Variants in ARRDC3 observed in about 807,000 individuals in gnomAD.
ARRDC3 encodes the protein arrestin domain-containing protein 3.
A neutral mutation model predicts 47.2 loss-of-function variants in ARRDC3; 10 were observed. The ratio of observed to expected loss-of-function variants is 0.21; its 90% CI spans 0.13 to 0.36. The LOEUF is 0.36. ARRDC3 is among the 10% of genes least tolerant of loss of function. ARRDC3 has a pLI of 1.00. For synonymous variants in ARRDC3, 156 were observed against 178.3 expected (o/e 0.87, Z 1.00); for missense variants, 381 against 503.6 (o/e 0.76, Z 2.33).
chr5:91,374,029 C>G, intron 6 of ARRDC3, 85 bp downstream of exon 6: 1 of 1,492,722 alleles, frequency 6.7e-7, no homozygotes, highest in Non-Finnish European at 9.1e-7. Context: ...TTATGTTCAT[C>G]TAGGGTCATA....
At chr5:91,381,066 G>T in intron 1 of ARRDC3, 1 of 152,202 alleles carries the variant, frequency 6.6e-6, no homozygotes. Flanking sequence ...CATCGCCTTA[G>T]CAACAGGCTA....
At chr5:91,375,833 A>G (rs938392161) in intron 3 of ARRDC3, among the ~76,000 whole-genome samples, 1 of 152,250 alleles carries the variant, frequency 6.6e-6, no homozygotes, top group East Asian at 1.9e-4. Flanking sequence ...CAATTAGAAA[A>G]AAAAGGTAAA....
Position 91,377,069 on chromosome 5 carries a change from A to T in ARRDC3, c.363-301T>A, listed in dbSNP as rs149657186. ...GCAAAATCATGAAAGTTTAATGGGC[A>T]TTTTTTGAAAAGGCCAAGAATTCAA... is the stretch of plus-strand genomic sequence containing the variant. On this transcript the variant is annotated intron_variant, in intron 2 of 7. Coordinates refer to ENST00000265138, the MANE Select transcript of ARRDC3 (RefSeq NM_020801.4). 3.7e-3 allele frequency among the ~76,000 whole-genome samples: 564 copies of T among 152,330 alleles called. 2 individuals carry two copies. Among genetic ancestry groups the T allele is most frequent in the African/African-American group, 0.013 (535 of 41,568 alleles).
chr5:91,375,691 C>A (rs1394871335), intron 3 of ARRDC3, 78 bp from the exon 4 acceptor site: 2 of 956,682 alleles, frequency 2.1e-6, no homozygotes, highest in African/African-American at 1.7e-5. Flanking sequence ...AAAATATAAC[C>A]CTAAATTTAT....
chr5:91,382,730 T>A (rs574664391), intron 1 of ARRDC3, 83 bp downstream of exon 1: 1 of 1,397,978 alleles, frequency 7.2e-7, no homozygotes, highest in East Asian at 2.3e-5. Context: ...ATGCTAGGAG[T>A]AGAATCACGT....
intron 7 of ARRDC3, among the ~76,000 whole-genome samples, chr5:91,371,951 T>C (rs1799187413): frequency 1.3e-5 from 2 of 152,108 alleles, no homozygotes; most frequent in African/African-American, 4.8e-5. Flanking sequence ...TGCAAACAAT[T>C]TGTTTACTCA....
At position 91,380,269 on chromosome 5, in the gene ARRDC3, T is replaced by A. The variant is rs933805100; in HGVS notation, c.281-1494A>T. ...CGCCCCGCTATACATACGGCATACGTCGCGCGGCGCTCGCGCCCGTGCCCG... is the reference window on the plus strand; with the variant it reads ...CGCCCCGCTATACATACGGCATACGACGCGCGGCGCTCGCGCCCGTGCCCG... On this transcript the variant is annotated intron_variant, in intron 1 of 7. Transcript: ENST00000265138. 107 of 152,938 alleles carry A rather than the reference T, an allele frequency of 7.0e-4. 3 individuals are homozygous for A. The highest frequency in any genetic ancestry group is 3.4e-3 in the Middle Eastern group (1 of 296). 9.5% of individuals were successfully genotyped at this position (152,938 alleles called of 1,614,324 possible). A position where few individuals can be genotyped will look rare whatever the true frequency, so the allele number is the denominator to read the frequency against.
intron 1 of ARRDC3, chr5:91,380,494 G>C (rs1177609793): frequency 6.6e-6 from 1 of 152,346 alleles, no homozygotes; most frequent in Non-Finnish European, 1.5e-5. Flanking sequence ...GAGGATACCC[G>C]TCGAAGCCCC....
Position 91,375,629 on chromosome 5 carries a change from TA to T in ARRDC3, c.511-17del. The T allele has an allele frequency of 1.3e-6, 2 of 1,586,532 alleles. No individual in the cohort carries two copies. The highest frequency in any genetic ancestry group is 1.7e-6 in the Non-Finnish European group (2 of 1,159,272). On this transcript the variant is annotated splice_polypyrimidine_tract_variant and intron_variant, in intron 3 of 7. Coordinates refer to ENST00000265138, the MANE Select transcript of ARRDC3 (RefSeq NM_020801.4). Reference sequence around the variant, plus strand: ...CTTGGGGTGACTGTAAGAAAAAAATTAAGAGAAAAAGGTCAGTGTATGGATT... The same window carrying T: ...CTTGGGGTGACTGTAAGAAAAAAATTAGAGAAAAAGGTCAGTGTATGGATT...
chr5:91,375,291 C>T (rs1799275619), intron 4 of ARRDC3, 113 bp from the exon 5 acceptor site: 2 of 1,182,172 alleles, frequency 1.7e-6, no homozygotes, highest in Admixed American at 2.8e-5. Context: ...AAAGATGTCC[C>T]AGGAACTGCA....
intron 7 of ARRDC3, among the ~76,000 whole-genome samples, chr5:91,372,077 C>T (rs1016274076): frequency 2.0e-5 from 3 of 152,172 alleles, no homozygotes; most frequent in Non-Finnish European, 4.4e-5. Flanking sequence ...CAAGAGGTTT[C>T]CTCCCACCTT....
At position 91,368,674 on chromosome 5, in the gene ARRDC3, T is replaced by A. The variant is rs900291512; in HGVS notation, c.*2726A>T. The A allele has an allele frequency of 6.6e-6, 1 of 152,378 alleles. No homozygotes were observed. 9.4% of individuals were successfully genotyped at this position (152,378 alleles called of 1,614,324 possible). On this transcript the variant is annotated 3_prime_UTR_variant, in exon 8 of 8. Coordinates refer to ENST00000265138, the MANE Select transcript of ARRDC3 (RefSeq NM_020801.4). ...AATAGTTTAATTTAATGTGTTTGCATGTATGGTGAGTTACTAATATGATCA... is the reference window on the plus strand; with the variant it reads ...AATAGTTTAATTTAATGTGTTTGCAAGTATGGTGAGTTACTAATATGATCA...
At chr5:91,381,222 G>A (rs1799450830) in intron 1 of ARRDC3, among the ~76,000 whole-genome samples, 1 of 146,214 alleles carries the variant, frequency 6.8e-6, no homozygotes, top group Admixed American at 6.9e-5. Flanking sequence ...TTTTGTTGGG[G>A]GTGCAGGGCA....
chr5:91,380,368 G>T (rs982630853), intron 1 of ARRDC3: 6 of 152,522 alleles, frequency 3.9e-5, no homozygotes, highest in South Asian at 1.9e-4. Context: ...CCCAGCCGGC[G>T]ACCGGTTCCA....
At chr5:91,378,904 T>C in intron 1 of ARRDC3, 129 bp from the exon 2 acceptor site, 1 of 506,090 alleles carries the variant, frequency 2.0e-6, no homozygotes, top group Non-Finnish European at 3.5e-6. Context: ...GTCTGAGAGA[T>C]CTGAGTTCTA....
intron 2 of ARRDC3, among the ~76,000 whole-genome samples, chr5:91,377,814 A>G (rs1799340412): frequency 6.6e-6 from 1 of 152,050 alleles, no homozygotes; most frequent in Non-Finnish European, 1.5e-5. Flanking sequence ...AAAATTCTCA[A>G]ATAATACAGT....
intron 3 of ARRDC3, 180 bp downstream of exon 3, chr5:91,376,441 A>G: frequency 1.7e-6 from 1 of 577,332 alleles, no homozygotes; most frequent in Non-Finnish European, 2.9e-6. Context: ...TGTCAAAAAT[A>G]TGAGCATATT....
At chr5:91,377,156 T>G (rs535616177) in intron 2 of ARRDC3, among the ~76,000 whole-genome samples, 16 of 152,332 alleles carry the variant, frequency 1.1e-4, no homozygotes, top group Non-Finnish European at 1.8e-4. Context: ...GGTTAAACAT[T>G]CAGACCAAAT....
intron 6 of ARRDC3, 45 bp downstream of exon 6, chr5:91,374,069 T>C: frequency 1.3e-6 from 2 of 1,573,120 alleles, no homozygotes; most frequent in Non-Finnish European, 1.7e-6. Context: ...ATTTTCTTGA[T>C]AATAGTAGTA....
Sources: gnomAD v4.1 joint callset for allele counts (sites outside exome capture counted in the v4.1 genomes callset) on GRCh38, gnomAD v4.1.1 for gene constraint, MANE v1.5 for transcripts, NCBI Gene and HGNC (gene_info 2026-07-23, HGNC 2026-07-21) for gene names.